Variants in KMT2C observed in about 807,000 individuals in gnomAD.
KMT2C encodes the protein lysine methyltransferase 2C.
A neutral mutation model predicts 507.9 loss-of-function variants in KMT2C; 88 were observed. The ratio of observed to expected loss-of-function variants is 0.17; its 90% CI spans 0.15 to 0.21. The LOEUF (loss-of-function observed/expected upper bound fraction) is 0.21. KMT2C is among the 10% of genes least tolerant of loss of function. The probability of loss-of-function intolerance (pLI) is 1.00; values close to 1 mark genes in which losing one functional copy is unlikely to be tolerated. For synonymous variants in KMT2C, 2,049 were observed against 2,080.8 expected (o/e 0.98, Z 0.42); for missense variants, 4,954 against 5,957.8 (o/e 0.83, Z 5.55).
rs1265717437 is a variant in KMT2C at position 152,248,197 on chromosome 7, T to A, written c.2237A>T (p.Glu746Val). 1 of 1,614,064 alleles carries A rather than the reference T, an allele frequency of 6.2e-7. No individual in the cohort carries two copies. ...LMDSEMTPTI[E>V]GCVKDVSYQG... is the part of the protein sequence containing the mutation. ...GTATGAAACATCTTTCACACAACCCTCAATTGTAGGAGTCATTTCAGAGTC... is the reference window on the plus strand; with the variant it reads ...GTATGAAACATCTTTCACACAACCCACAATTGTAGGAGTCATTTCAGAGTC... Residue 746 changes from glutamate (E) to valine (V), a missense_variant, in exon 14 of 59, where the codon GAG becomes GTG. This residue lies in a region of KMT2C where 20 missense variants were observed against 53.1 expected (regional missense o/e 0.38). Coordinates refer to ENST00000262189, the MANE Select transcript of KMT2C (RefSeq NM_170606.3).
intron 3 of KMT2C, among the ~76,000 whole-genome samples, chr7:152,323,144 T>TTC (rs2129207201): frequency 6.6e-6 from 1 of 151,998 alleles, no homozygotes; most frequent in East Asian, 1.9e-4. Context: ...AAAAATAGAA[T>TTC]TACCATATAA....
At chr7:152,204,602 GATA>G (rs2094244102) in intron 25 of KMT2C, among the ~76,000 whole-genome samples, 1 of 142,760 alleles carries the variant, frequency 7.0e-6, no homozygotes, top group South Asian at 2.2e-4. Flanking sequence ...TAGATAGATA[GATA>G]GATAGATAGA....
At chr7:152,182,878 G>T in intron 35 of KMT2C, 96 bp downstream of exon 35, 1 of 866,946 alleles carries the variant, frequency 1.2e-6, no homozygotes, top group Non-Finnish European at 1.7e-6. Context: ...AAATTTTCAT[G>T]GTCTAAGAAC....
intron 6 of KMT2C, among the ~76,000 whole-genome samples, chr7:152,277,310 G>C (rs2096099939): frequency 6.6e-6 from 1 of 151,974 alleles, no homozygotes; most frequent in African/African-American, 2.4e-5. Context: ...CAGTAATAAA[G>C]AACAAAGATG....
intron 6 of KMT2C, among the ~76,000 whole-genome samples, chr7:152,308,015 A>G (rs189193701): frequency 1.3e-5 from 2 of 152,330 alleles, no homozygotes; most frequent in East Asian, 3.9e-4. Flanking sequence ...TTTTCACTGA[A>G]ATATCATTGT....
chr7:152,347,818 T>C (rs1255444458), intron 2 of KMT2C, among the ~76,000 whole-genome samples: 2 of 152,208 alleles, frequency 1.3e-5, no homozygotes, highest in Admixed American at 6.5e-5. Context: ...TTTTTAAATA[T>C]TTCTAGGCTA....
chr7:152,356,426 A>G (rs1375491318), intron 2 of KMT2C, among the ~76,000 whole-genome samples: 1 of 151,872 alleles, frequency 6.6e-6, no homozygotes, highest in African/African-American at 2.4e-5. Flanking sequence ...AAATACAAAA[A>G]TTAGCCGGGC....
In KMT2C at chr7:152,158,836, A is replaced by C. The variant is rs770987077; in HGVS notation, c.11670+27T>G. 3.1e-6 allele frequency: 5 copies of C among 1,606,572 alleles called. No individual in the cohort carries two copies. The South Asian group carries it at 5.5e-5, about 18-fold the overall frequency. ...AGCCTATATCCTTGACTTTTAAAAG[A>C]GGCTGCTCTAAATGACTCACCCTCA... On this transcript the variant is annotated intron_variant, in intron 44 of 58. Coordinates refer to ENST00000262189, the MANE Select transcript of KMT2C (RefSeq NM_170606.3).
intron 9 of KMT2C, among the ~76,000 whole-genome samples, chr7:152,259,021 G>T (rs565768130): frequency 6.6e-6 from 1 of 152,196 alleles, no homozygotes; most frequent in East Asian, 1.9e-4. Context: ...CCCTGAGGAT[G>T]GATCAGTACT....
intron 6 of KMT2C, among the ~76,000 whole-genome samples, chr7:152,289,715 G>C (rs1342584152): frequency 1.3e-5 from 2 of 152,116 alleles, no homozygotes; most frequent in Non-Finnish European, 2.9e-5. Context: ...AATACTTAAA[G>C]ACTTTTCTGA....
chr7:152,205,188 A>T lies in KMT2C; in HGVS notation c.3879T>A (p.Thr1293=). The T allele has an allele frequency of 2.5e-6, 4 of 1,611,386 alleles. No homozygotes were observed. Among genetic ancestry groups the T allele is most frequent in the Non-Finnish European group, 3.4e-6 (4 of 1,178,526 alleles). Residue 1293 remains threonine (T), a synonymous_variant, in exon 25 of 59, where the codon ACT becomes ACA. Transcript: ENST00000262189. The part of the protein sequence containing the change: ...GGFMVRQRSR[T]GQGKTKRSVI... ...CAGATCTTTTGGTTTTCCCTTGCCC[A>T]GTTCGACTTCTTTGCCGCACCATAA...
chr7:152,162,237 C>T lies in KMT2C; in HGVS notation c.11340G>A (p.Leu3780=), dbSNP rs749156477. The T allele has an allele frequency of 1.2e-6, 2 of 1,614,026 alleles. No homozygotes were observed. The highest frequency in any genetic ancestry group is 8.5e-7 in the Non-Finnish European group (1 of 1,179,966). Residue 3780 remains leucine, a synonymous_variant, in exon 43 of 59, where the codon TTG becomes TTA. Transcript: ENST00000262189. ...GAGAAGATGACTTTTTATTTTTCAA[C>T]AAGTGTTTCAGAAGTTCATTCCCTG... ...GDSGNELLKH[L]LKNKKSSSLL... is the part of the protein sequence containing the mutation.
At chr7:152,151,356 GTCTC>G in intron 50 of KMT2C, 82 bp downstream of exon 50, 1 of 1,385,496 alleles carries the variant, frequency 7.2e-7, no homozygotes, top group Non-Finnish European at 1.0e-6. Context: ...CATAAGTGGT[GTCTC>G]TCTCTGATGT....
At position 152,180,135 on chromosome 7, in the gene KMT2C, G is replaced by C. The variant is rs2093382087; in HGVS notation, c.7150-9C>G. On this transcript the variant is annotated splice_polypyrimidine_tract_variant and intron_variant, in intron 36 of 58. Transcript: ENST00000262189. ...TCACGTAACTTCTGCCGCTAAATGG[G>C]AAGAAACAAAAATCACTGGGATTTG... 1 of 1,612,260 alleles carries C rather than the reference G, an allele frequency of 6.2e-7. No homozygotes were observed. The highest frequency in any genetic ancestry group is 1.1e-5 in the South Asian group (1 of 90,738).
In KMT2C at chr7:152,163,152, G is replaced by A; in HGVS notation, c.10425C>T (p.His3475=). The A allele has an allele frequency of 6.2e-7, 1 of 1,614,184 alleles. No individual in the cohort carries two copies. The highest frequency in any genetic ancestry group is 1.1e-5 in the South Asian group (1 of 91,084). ...GTAAAACCTGCCCCATTTGCTGTTG[G>A]TGTTGTGGAGACTGCTGAAGGGGTC... ...PLGPLQQSPQ[H]QQQMGQVLQQ... is the part of the protein sequence containing the mutation. Residue 3475 remains histidine (H), a synonymous_variant, in exon 43 of 59, where the codon CAC becomes CAT. Coordinates refer to ENST00000262189, the MANE Select transcript of KMT2C (RefSeq NM_170606.3).
At chr7:152,384,576 C>A (rs1589627137) in intron 1 of KMT2C, among the ~76,000 whole-genome samples, 1 of 144,486 alleles carries the variant, frequency 6.9e-6, no homozygotes, top group African/African-American at 2.5e-5. Flanking sequence ...CCACCACCAC[C>A]ACCACCACCA....
intron 55 of KMT2C, among the ~76,000 whole-genome samples, chr7:152,141,109 G>T (rs1437244300): frequency 2.6e-5 from 4 of 151,954 alleles, no homozygotes; most frequent in Non-Finnish European, 5.9e-5. Context: ...GCATGGTGGC[G>T]TGTGCCTGTA....
chr7:152,316,577 T>C (rs558843989), intron 3 of KMT2C, among the ~76,000 whole-genome samples: 4 of 152,288 alleles, frequency 2.6e-5, no homozygotes, highest in East Asian at 3.9e-4. Flanking sequence ...ATCCTCCTTC[T>C]TGGGCATTAA....
At chr7:152,183,520 G>C (rs551699154) in intron 34 of KMT2C, among the ~76,000 whole-genome samples, 1 of 152,232 alleles carries the variant, frequency 6.6e-6, no homozygotes, top group Non-Finnish European at 1.5e-5. Context: ...CCAGCACTTC[G>C]GGAGGCCAAG....
Sources: gnomAD v4.1 joint callset for allele counts (sites outside exome capture counted in the v4.1 genomes callset) on GRCh38, gnomAD v4.1.1 for gene constraint, gnomAD v4.1.1 regional missense constraint, MANE v1.5 for transcripts, NCBI Gene and HGNC (gene_info 2026-07-23, HGNC 2026-07-21) for gene names.